The following DDHD2 variants were observed in gnomAD, a reference collection of about 807,000 sequenced individuals.
The protein encoded by DDHD2 is triacylglycerol hydrolase DDHD2.
A neutral mutation model predicts 91.2 loss-of-function variants in DDHD2; 62 were observed. That is an observed-to-expected ratio of 0.68 (90% CI 0.55 to 0.84). DDHD2 has a LOEUF of 0.84. Among genes scored for constraint, DDHD2 ranks in the 40% least tolerant of loss-of-function variants. The probability of loss-of-function intolerance (pLI) is 0.00; values close to 1 mark genes in which losing one functional copy is unlikely to be tolerated. For missense variants in DDHD2, 740 were observed against 846.9 expected (o/e 0.87, Z 1.57); for synonymous variants, 271 against 293.9 (o/e 0.92, Z 0.80).
At chr8:38,244,404 AG>A (rs1359114330) in intron 7 of DDHD2, among the ~76,000 whole-genome samples, 3 of 147,312 alleles carry the variant, frequency 2.0e-5, no homozygotes, top group African/African-American at 7.6e-5. Context: ...CTGGGACTAC[AG>A]TCATGCGCCA....
In DDHD2 at chr8:38,234,929, G is replaced by T. The variant is rs547627118; in HGVS notation, c.411+345G>T. Among the ~76,000 whole-genome samples, 7 of 151,898 alleles carry T rather than the reference G, an allele frequency of 4.6e-5. No individual in the cohort carries two copies. The East Asian group carries it at 1.2e-3, about 25-fold the overall frequency. Reference sequence around the variant, plus strand: ...ATTACAGGTGGCCGCCACCACACCTGGCTAATTTTTTTTAAGGGGCACTGC... The same window carrying T: ...ATTACAGGTGGCCGCCACCACACCTTGCTAATTTTTTTTAAGGGGCACTGC... On this transcript the variant is annotated intron_variant, in intron 3 of 17. Coordinates refer to ENST00000397166, the MANE Select transcript of DDHD2 (RefSeq NM_015214.3).
intron 16 of DDHD2, among the ~76,000 whole-genome samples, chr8:38,255,694 A>G (rs1158520054): frequency 7.0e-6 from 1 of 143,348 alleles, no homozygotes; most frequent in Non-Finnish European, 1.5e-5. Context: ...TTGTTTCCTC[A>G]TTTTTTTTTT....
chr8:38,251,814 T>TCCTA (rs548193293), intron 11 of DDHD2, 98 bp from the exon 12 acceptor site: 6 of 793,068 alleles, frequency 7.6e-6, no homozygotes, highest in Non-Finnish European at 1.0e-5. Context: ...GCTTAAACAA[T>TCCTA]CCTACCTACC....
rs1806238362 is a variant in DDHD2 at position 38,253,100 on chromosome 8, C to A, written c.1864C>A (p.Pro622Thr). 2 of 1,613,956 alleles carry A rather than the reference C, an allele frequency of 1.2e-6. No individual in the cohort carries two copies. Among genetic ancestry groups the A allele is most frequent in the Non-Finnish European group, 1.7e-6 (2 of 1,179,942 alleles). Residue 622 changes from proline (P) to threonine (T), a missense_variant, in exon 15 of 18, where the codon CCT (proline) becomes ACT (threonine). By Grantham distance (38) the Pro-to-Thr change is conservative (BLOSUM62 -1). This residue lies in a region of DDHD2 where 693 missense variants were observed against 764.2 expected (regional missense o/e 0.91). Coordinates refer to ENST00000397166, the MANE Select transcript of DDHD2 (RefSeq NM_015214.3). ...AACACCAGAAGAAACTGAAGCAGAA[C>A]CTGAATCAACTTCAGAGAAGCCTAG... ...SETPEETEAE[P>T]ESTSEKPSDV...
chr8:38,266,067 TCTC>T, downstream of DDHD2: 1 of 1,386,056 alleles, frequency 7.2e-7, no homozygotes, highest in South Asian at 1.4e-5. Context: ...TTAGTAAGCA[TCTC>T]CTCTGTGCTA....
intron 15 of DDHD2, 56 bp from the exon 16 acceptor site, chr8:38,253,500 G>T: frequency 1.3e-6 from 2 of 1,511,010 alleles, no homozygotes; most frequent in South Asian, 2.4e-5. Context: ...AAGTTAACAG[G>T]ATAACCCTGA....
intron 1 of DDHD2, chr8:38,268,313 A>G: frequency 6.8e-7 from 1 of 1,460,114 alleles, no homozygotes; most frequent in Non-Finnish European, 9.3e-7. Flanking sequence ...GCTGAATCCC[A>G]CAACGACCTC....
chr8:38,267,848 TGGGTAAGGGCTGAG>T, intron 1 of DDHD2: 1 of 1,564,576 alleles, frequency 6.4e-7, no homozygotes, highest in Non-Finnish European at 8.8e-7. Context: ...TCTGTTCTGG[TGGGTAAGGGCTGAG>T]GCAGATGCTG....
downstream of DDHD2, chr8:38,263,979 C>T (rs1807233461): frequency 3.0e-6 from 3 of 985,670 alleles, no homozygotes; most frequent in Non-Finnish European, 2.4e-6. Flanking sequence ...AACCGTAACT[C>T]CTCAAGATAG....
rs887679399 is a variant in DDHD2 at position 38,253,147 on chromosome 8, T to C, written c.1891+20T>C. The C allele has an allele frequency of 1.7e-5, 27 of 1,594,134 alleles. No individual in the cohort carries two copies. Among genetic ancestry groups the C allele is most frequent in the African/African-American group, 4.1e-5 (3 of 74,074 alleles). ...CTAGTGGTCAGTGACACTGTACACA[T>C]TGACCAGCTGCCAGATAAGAGGGAT... On this transcript the variant is annotated intron_variant, in intron 15 of 17. Transcript: ENST00000397166.
intron 5 of DDHD2, chr8:38,238,542 T>C: frequency 9.5e-7 from 1 of 1,053,146 alleles, no homozygotes; most frequent in Non-Finnish European, 1.1e-6. Flanking sequence ...TCCTTGTCCT[T>C]GAAGATTTTC....
chr8:38,264,151 A>T (rs1328187246), downstream of DDHD2: 40 of 862,996 alleles, frequency 4.6e-5, no homozygotes, highest in East Asian at 3.1e-4. Context: ...GATAGATTCA[A>T]TTTTTTTTTT....
At chr8:38,268,395 T>TTG in intron 1 of DDHD2, 1 of 1,572,132 alleles carries the variant, frequency 6.4e-7, no homozygotes, top group African/African-American at 1.4e-5. Flanking sequence ...CTGCTGTCTC[T>TTG]TGTGTCTGCC....
intron 2 of DDHD2, 99 bp from the exon 3 acceptor site, chr8:38,234,295 A>G: frequency 1.2e-6 from 1 of 868,650 alleles, no homozygotes; most frequent in South Asian, 2.9e-5. Context: ...CTTTTCATTC[A>G]TGTGTTTCAT....
At chr8:38,264,477 C>T, downstream of DDHD2, 1 of 1,552,028 alleles carries the variant, frequency 6.4e-7, no homozygotes, top group South Asian at 1.2e-5. Context: ...CCCCAGGCTT[C>T]TGTGCAGTGG....
In DDHD2 at chr8:38,262,247, T is replaced by C. The variant is rs1030531743; in HGVS notation, c.*1674T>C. 2 of 152,184 alleles carry C rather than the reference T, an allele frequency of 1.3e-5. No homozygotes were observed. The highest frequency in any genetic ancestry group is 3.2e-3 in the Middle Eastern group (1 of 316). 9.4% of individuals were successfully genotyped at this position (152,184 alleles called of 1,614,324 possible). A position where few individuals can be genotyped will look rare whatever the true frequency, so the allele number is the denominator to read the frequency against. ...ATATTAAGGGGAAGCTTTTGCCAAG[T>C]TGTGGTCTTCAAATTTATGTTTACT... On this transcript the variant is annotated 3_prime_UTR_variant, in exon 18 of 18. Transcript: ENST00000397166.
At position 38,251,947 on chromosome 8, in the gene DDHD2, G is replaced by A. The variant is rs750091763; in HGVS notation, c.1380G>A (p.Gly460=). ...IKRPAPQPAS[G]ANIPKESEFC... is the part of the protein sequence containing the mutation. ...GACCAGCCCCGCAGCCTGCTTCAGG[G>A]GCAAACATCCCCAAAGAATCTGAGT... Residue 460 remains glycine, a synonymous_variant, in exon 12 of 18, where the codon GGG becomes GGA. Transcript: ENST00000397166. 1.9e-6 allele frequency: 3 copies of A among 1,614,024 alleles called. No individual in the cohort carries two copies. The highest frequency in any genetic ancestry group is 2.5e-6 in the Non-Finnish European group (3 of 1,180,010).
rs1416060039 is a variant in DDHD2 at position 38,231,792 on chromosome 8, C to A, written c.-76C>A. ...GCCCCGCCCGGGCTGGGGTAAAGGC[C>A]GCGGCCGGGCCATGCAGTGTCCTCC... On this transcript the variant is annotated 5_prime_UTR_variant, in exon 1 of 18. Coordinates refer to ENST00000397166, the MANE Select transcript of DDHD2 (RefSeq NM_015214.3). 2 of 152,218 alleles carry A rather than the reference C, an allele frequency of 1.3e-5. No homozygotes were observed. 9.4% of individuals were successfully genotyped at this position (152,218 alleles called of 1,614,324 possible).
intron 9 of DDHD2, chr8:38,246,959 C>CG (rs1390517345): frequency 6.6e-6 from 1 of 152,188 alleles, no homozygotes; most frequent in Non-Finnish European, 1.5e-5. Flanking sequence ...AAACTCTGTT[C>CG]GAAAGTATTG....
Sources: gnomAD v4.1 joint callset for allele counts (sites outside exome capture counted in the v4.1 genomes callset) on GRCh38, gnomAD v4.1.1 for gene constraint, gnomAD v4.1.1 regional missense constraint, MANE v1.5 for transcripts, NCBI Gene and HGNC (gene_info 2026-07-23, HGNC 2026-07-21) for gene names.